Variants in DPP10 observed in about 807,000 individuals in gnomAD.
The protein encoded by DPP10 is inactive dipeptidyl peptidase 10.
DPP10 carries 33 observed loss-of-function variants against 120.9 expected under a neutral mutation model. The observed-to-expected ratio is 0.27, with a 90% confidence interval of 0.21 to 0.37. The LOEUF (loss-of-function observed/expected upper bound fraction) is 0.37. Ranked by LOEUF, DPP10 falls within the 10% of genes least tolerant of loss-of-function variation. The pLI, the probability that DPP10 is intolerant of heterozygous loss-of-function variation, is 1.00. For missense variants in DPP10, 816 were observed against 942.8 expected (o/e 0.87, Z 1.76); for synonymous variants, 337 against 326.1 (o/e 1.03, Z -0.36).
At chr2:114,498,472 T>G (rs1682871867) in intron 1 of DPP10, among the ~76,000 whole-genome samples, 1 of 152,202 alleles carries the variant, frequency 6.6e-6, no homozygotes, top group Non-Finnish European at 1.5e-5. Context: ...TGTTTTCTGC[T>G]GCTACAACAG....
At chr2:114,836,150 A>T (rs1687716816) in intron 1 of DPP10, among the ~76,000 whole-genome samples, 1 of 152,102 alleles carries the variant, frequency 6.6e-6, no homozygotes, top group South Asian at 2.1e-4. Context: ...TTCTCAATAA[A>T]GATTTTCCTG....
At chr2:115,461,634 T>C (rs2073991202) in intron 3 of DPP10, among the ~76,000 whole-genome samples, 1 of 152,176 alleles carries the variant, frequency 6.6e-6, no homozygotes, top group Admixed American at 6.5e-5. Flanking sequence ...TCAAAACATA[T>C]TGTACACCAT....
chr2:114,517,563 T>A (rs1046773237), intron 1 of DPP10, among the ~76,000 whole-genome samples: 4 of 152,000 alleles, frequency 2.6e-5, no homozygotes, highest in African/African-American at 9.7e-5. Flanking sequence ...GGTAAGATAA[T>A]CAGGACTTTA....
At chr2:114,884,861 A>G (rs758753373) in intron 1 of DPP10, among the ~76,000 whole-genome samples, 5 of 152,160 alleles carry the variant, frequency 3.3e-5, no homozygotes, top group Non-Finnish European at 5.9e-5. Flanking sequence ...ACGGTCTCCA[A>G]TACAAGTTGG....
chr2:115,092,210 A>C (rs953676208), intron 1 of DPP10, among the ~76,000 whole-genome samples: 4 of 152,192 alleles, frequency 2.6e-5, no homozygotes, highest in African/African-American at 9.7e-5. Context: ...TATATTCTTG[A>C]ACACTATCCA....
chr2:115,307,487 G>C (rs1235057390), intron 1 of DPP10, among the ~76,000 whole-genome samples: 1 of 152,046 alleles, frequency 6.6e-6, no homozygotes, highest in Non-Finnish European at 1.5e-5. Flanking sequence ...GCTTCTGTTA[G>C]AGTTAATAAA....
chr2:115,491,881 T>A (rs1398753118), intron 3 of DPP10, among the ~76,000 whole-genome samples: 1 of 152,010 alleles, frequency 6.6e-6, no homozygotes, highest in African/African-American at 2.4e-5. Flanking sequence ...AGGGTAGGGG[T>A]AGAGGAATTT....
At chr2:115,381,176 A>G (rs1233754619) in intron 3 of DPP10, among the ~76,000 whole-genome samples, 1 of 152,098 alleles carries the variant, frequency 6.6e-6, no homozygotes, top group Non-Finnish European at 1.5e-5. Flanking sequence ...TCTCCCCGTC[A>G]CTTTCACGTA....
At chr2:115,219,677 G>T (rs930101039) in intron 1 of DPP10, among the ~76,000 whole-genome samples, 9 of 152,028 alleles carry the variant, frequency 5.9e-5, no homozygotes, top group African/African-American at 1.9e-4. Flanking sequence ...AAGATCAAAA[G>T]AACTTAATAA....
At chr2:115,066,101 T>G (rs11888908) in intron 1 of DPP10, among the ~76,000 whole-genome samples, 24,817 of 152,150 alleles carry the variant, frequency 0.16, 2,293 homozygotes, top group African/African-American at 0.27. Context: ...TTGCCTAAGA[T>G]AAACATTAAA....
chr2:115,734,793 C>T (rs7566465), intron 8 of DPP10, among the ~76,000 whole-genome samples: 59,538 of 151,586 alleles, frequency 0.39, 13,934 homozygotes, highest in East Asian at 0.64. Flanking sequence ...TCTCCTTAAC[C>T]AAATTGTAAG....
chr2:115,415,879 A>G (rs1259803360), intron 3 of DPP10, among the ~76,000 whole-genome samples: 1 of 114,714 alleles, frequency 8.7e-6, no homozygotes, highest in Non-Finnish European at 1.8e-5. Context: ...ATATATATGC[A>G]CACACACACA....
At position 115,525,925 on chromosome 2, in the gene DPP10, G is replaced by T; in HGVS notation, c.394G>T (p.Val132Phe). The change falls in exon 5 of 26, where the codon GTT becomes TTT. Residue 132 changes from valine to phenylalanine, a missense_variant. Val to Phe is a conservative substitution (Grantham distance 50). This residue lies in a region of DPP10 where 182 missense variants were observed against 207.4 expected (regional missense o/e 0.88). Transcript: ENST00000410059. The part of the protein sequence containing the change: ...FVTFKASRHS[V>F]SPDLKYVLLA... ...AACCTTCAAAGCATCAAGACATTCA[G>T]TTTCACCAGATTTAAAATATGTCCT... is the stretch of plus-strand genomic sequence containing the variant. The T allele has an allele frequency of 6.2e-7, 1 of 1,608,708 alleles. No homozygotes were observed. Among genetic ancestry groups the T allele is most frequent in the Non-Finnish European group, 8.5e-7 (1 of 1,177,930 alleles).
chr2:115,095,961 T>C, intron 1 of DPP10, among the ~76,000 whole-genome samples: 1 of 152,198 alleles, frequency 6.6e-6, no homozygotes. Context: ...AGCTTCTTCA[T>C]GGGTAGGGTG....
intron 1 of DPP10, among the ~76,000 whole-genome samples, chr2:114,886,314 C>T (rs1267125270): frequency 1.3e-5 from 2 of 152,170 alleles, no homozygotes; most frequent in African/African-American, 2.4e-5. Context: ...TCATCCAAAG[C>T]ATCCTTTATG....
chr2:115,733,743 A>G (rs184125030), intron 8 of DPP10, among the ~76,000 whole-genome samples: 1 of 152,284 alleles, frequency 6.6e-6, no homozygotes, highest in Non-Finnish European at 1.5e-5. Flanking sequence ...GTATCTCAGT[A>G]TTGTGGAAGT....
intron 3 of DPP10, among the ~76,000 whole-genome samples, chr2:115,435,824 A>G (rs950083010): frequency 6.6e-6 from 1 of 151,900 alleles, no homozygotes; most frequent in Admixed American, 6.6e-5. Flanking sequence ...TCATATGTTC[A>G]TGTCTTACAT....
Position 115,122,260 on chromosome 2 carries a change from C to A in DPP10, c.61-186979C>A, listed in dbSNP as rs1178703911. 2.0e-5 allele frequency among the ~76,000 whole-genome samples: 3 copies of A among 152,102 alleles called. No individual in the cohort carries two copies. In the East Asian group the frequency reaches 5.8e-4, roughly 29 times the overall value. On this transcript the variant is annotated intron_variant, in intron 1 of 25. Coordinates refer to ENST00000410059, the MANE Select transcript of DPP10 (RefSeq NM_020868.6). The stretch of plus-strand genomic sequence containing the variant: ...CACATGAGAGAAGAGAAGAGGAGGG[C>A]ACCCTCCCACCCCTGTTTTTCCCTG...
intron 1 of DPP10, among the ~76,000 whole-genome samples, chr2:114,882,831 A>C (rs1441498459): frequency 1.3e-5 from 2 of 152,176 alleles, no homozygotes; most frequent in East Asian, 3.8e-4. Context: ...TATGAATGAA[A>C]TAAAATGCTA....
Sources: gnomAD v4.1 joint callset for allele counts (sites outside exome capture counted in the v4.1 genomes callset) on GRCh38, gnomAD v4.1.1 for gene constraint, gnomAD v4.1.1 regional missense constraint, MANE v1.5 for transcripts, NCBI Gene and HGNC (gene_info 2026-07-23, HGNC 2026-07-21) for gene names.